Variants in APCDD1L observed in about 807,000 individuals in gnomAD.
APCDD1L encodes protein APCDD1-like.
APCDD1L carries 21 observed loss-of-function variants against 24.2 expected under a neutral mutation model. The ratio of observed to expected loss-of-function variants is 0.87; its 90% CI spans 0.61 to 1.25. The LOEUF is 1.25. Among genes scored for constraint, APCDD1L ranks in the 50% most tolerant of loss-of-function variants. The pLI is 0.00. For synonymous variants in APCDD1L, 321 were observed against 323.6 expected (o/e 0.99, Z 0.09); for missense variants, 704 against 711.7 (o/e 0.99, Z 0.12).
Position 58,467,556 on chromosome 20 carries a change from G to C in APCDD1L, c.291C>G (p.Cys97Trp), listed in dbSNP as rs770475593. Residue 97 changes from cysteine (C) to tryptophan (W), a missense_variant, in exon 3 of 4, where the codon TGC (cysteine) becomes TGG (tryptophan). Transcript: ENST00000371149. The surrounding 1 kb of genome is among the most constrained non-coding windows in gnomAD (Gnocchi z 5.9). ...AHQFYYEDPFCGEPAHSLLVK... is the reference protein window; with the variant it reads ...AHQFYYEDPFWGEPAHSLLVK... ...CGAGCAGCGAGTGGGCAGGTTCCCC[G>C]CAGAAGGGGTCCTCGTAGTAGAACT... The C allele has an allele frequency of 6.3e-7, 1 of 1,584,168 alleles. No individual in the cohort carries two copies. The highest frequency in any genetic ancestry group is 1.1e-5 in the South Asian group (1 of 87,318).
At chr20:58,505,216 T>C (rs1026662879) in intron 1 of APCDD1L, among the ~76,000 whole-genome samples, 4 of 152,146 alleles carry the variant, frequency 2.6e-5, no homozygotes, top group Non-Finnish European at 5.9e-5. Flanking sequence ...TTTTTAAGTT[T>C]TTTACAAATT....
intron 1 of APCDD1L, among the ~76,000 whole-genome samples, chr20:58,507,537 A>G (rs1035488534): frequency 6.6e-6 from 1 of 151,840 alleles, no homozygotes. Flanking sequence ...ACACCCCCAC[A>G]CACACACCCC....
Position 58,514,781 on chromosome 20 carries a change from C to G in APCDD1L, c.-74G>C. 1 of 1,192,938 alleles carries G rather than the reference C, an allele frequency of 8.4e-7. No individual in the cohort carries two copies. Among genetic ancestry groups the G allele is most frequent in the Non-Finnish European group, 1.1e-6 (1 of 939,730 alleles). The allele number at this position is 1,192,938 out of a possible 1,614,324, so 73.9% of individuals were successfully genotyped here. ...AGGGGAGGCGCGGGCGCAGGGCTCT[C>G]GGACGGCTGCGGGCGCCGGCGGCCA... On this transcript the variant is annotated 5_prime_UTR_variant, in exon 1 of 4. Coordinates refer to ENST00000371149, the MANE Select transcript of APCDD1L (RefSeq NM_153360.3).
intron 1 of APCDD1L, among the ~76,000 whole-genome samples, chr20:58,475,410 C>G (rs950374268): frequency 2.0e-5 from 3 of 152,098 alleles, no homozygotes; most frequent in Non-Finnish European, 2.9e-5. Context: ...TCATAACAGC[C>G]TTGTACTTGC....
In APCDD1L at chr20:58,493,016, ACT is replaced by A. The variant is rs1460320626; in HGVS notation, c.49+21641_49+21642del. On this transcript the variant is annotated intron_variant, in intron 1 of 3. Coordinates refer to ENST00000371149, the MANE Select transcript of APCDD1L (RefSeq NM_153360.3). ...AGCATGCACACATGCATACACGTGC[ACT>A]CACACACAAGGCAAGCATACACACA... Among the ~76,000 whole-genome samples, 3 of 151,380 alleles carry A rather than the reference ACT, an allele frequency of 2.0e-5. No homozygotes were observed. The East Asian group carries it at 5.8e-4, about 29-fold the overall frequency.
At chr20:58,507,752 G>A (rs572801658) in intron 1 of APCDD1L, among the ~76,000 whole-genome samples, 6 of 152,308 alleles carry the variant, frequency 3.9e-5, no homozygotes, top group African/African-American at 1.4e-4. Context: ...ACACATACAA[G>A]AGACAGCTAG....
Position 58,461,425 on chromosome 20 carries a change from C to G in APCDD1L, c.871G>C (p.Val291Leu). 1 of 1,528,524 alleles carries G rather than the reference C, an allele frequency of 6.5e-7. No homozygotes were observed. Among genetic ancestry groups the G allele is most frequent in the East Asian group, 2.3e-5 (1 of 43,626 alleles). 94.7% of individuals were successfully genotyped at this position (1,528,524 alleles called of 1,614,324 possible). ...GGWWVSSGCE[V>L]RPAVLFLTRL... ...GTGAGGAACAGGACTGCTGGGCGCA[C>G]CTCGCACCCCGAGCTGACCCACCAG... The change falls in exon 4 of 4, where the codon GTG becomes CTG. Residue 291 changes from valine to leucine, a missense_variant. By Grantham distance (32) the Val-to-Leu change is conservative. Transcript: ENST00000371149. This position sits in a 1 kb window ranked among gnomAD's most constrained non-coding sequence, Gnocchi z 6.0.
intron 1 of APCDD1L, among the ~76,000 whole-genome samples, chr20:58,484,934 C>T: frequency 6.7e-6 from 1 of 148,446 alleles, no homozygotes; most frequent in Admixed American, 6.9e-5. Context: ...TGGTTTCATG[C>T]CGATCTCTGC....
At chr20:58,510,411 C>T (rs1990605200) in intron 1 of APCDD1L, among the ~76,000 whole-genome samples, 1 of 152,188 alleles carries the variant, frequency 6.6e-6, no homozygotes, top group African/African-American at 2.4e-5. Context: ...TGGCCCACTG[C>T]AACCTCCGCC....
chr20:58,468,122 A>G (rs1408083546), intron 2 of APCDD1L, among the ~76,000 whole-genome samples: 1 of 152,074 alleles, frequency 6.6e-6, no homozygotes, highest in African/African-American at 2.4e-5. Flanking sequence ...TGCCTGTGAC[A>G]GGGCTTGAAG....
At chr20:58,502,278 T>C (rs1175970077) in intron 1 of APCDD1L, among the ~76,000 whole-genome samples, 1 of 152,146 alleles carries the variant, frequency 6.6e-6, no homozygotes, top group Non-Finnish European at 1.5e-5. Flanking sequence ...TTTTTGTATT[T>C]TTAGTAGAAA....
intron 1 of APCDD1L, among the ~76,000 whole-genome samples, chr20:58,483,064 C>A (rs1260278496): frequency 2.0e-5 from 3 of 152,188 alleles, no homozygotes; most frequent in African/African-American, 7.2e-5. Context: ...AGGGGCCCCA[C>A]TGCCTATGTG....
chr20:58,471,015 C>T (rs1453050098), intron 1 of APCDD1L, among the ~76,000 whole-genome samples: 1 of 152,230 alleles, frequency 6.6e-6, no homozygotes, highest in Non-Finnish European at 1.5e-5. Flanking sequence ...TGGAGCCTGT[C>T]CCAGATTCTG....
At chr20:58,498,690 T>A (rs1174170866) in intron 1 of APCDD1L, among the ~76,000 whole-genome samples, 1 of 152,216 alleles carries the variant, frequency 6.6e-6, no homozygotes, top group Non-Finnish European at 1.5e-5. Flanking sequence ...CCTCCCAGCC[T>A]GATAACCTTG....
chr20:58,468,221 C>T (rs1489300107), intron 2 of APCDD1L, among the ~76,000 whole-genome samples: 2 of 152,194 alleles, frequency 1.3e-5, no homozygotes, highest in East Asian at 1.9e-4. Context: ...TCTGCTGCAA[C>T]TACTCAAAGT....
rs138050561 is a variant in APCDD1L, at chr20:58,497,511, G to A, written c.49+17148C>T. Reference sequence around the variant, plus strand: ...GGTTGGTTCCTTCTGAGGCTGGGCCGGGATTGTTCCAGGCCTTTCTTGTGG... The same window carrying A: ...GGTTGGTTCCTTCTGAGGCTGGGCCAGGATTGTTCCAGGCCTTTCTTGTGG... On this transcript the variant is annotated intron_variant, in intron 1 of 3. Transcript: ENST00000371149. The surrounding 1 kb of genome is among the most constrained non-coding windows in gnomAD (Gnocchi z 4.3). Among the ~76,000 whole-genome samples the A allele has an allele frequency of 1.2e-3, 189 of 152,276 alleles. 1 individual carries two copies. The highest frequency in any genetic ancestry group is 4.3e-3 in the African/African-American group (177 of 41,548).
intron 2 of APCDD1L, among the ~76,000 whole-genome samples, chr20:58,469,270 G>T (rs146143421): frequency 5.1e-4 from 78 of 152,234 alleles, no homozygotes; most frequent in African/African-American, 1.7e-3. Flanking sequence ...AAAGCAAGTT[G>T]GTTTACAGAA....
intron 1 of APCDD1L, among the ~76,000 whole-genome samples, chr20:58,495,430 G>A (rs6513389): frequency 1.2e-3 from 183 of 152,274 alleles, no homozygotes; most frequent in African/African-American, 4.3e-3. Flanking sequence ...AGGGCTGGGG[G>A]CCACAGTGGC....
chr20:58,513,774 AG>A, intron 1 of APCDD1L: 1 of 700,416 alleles, frequency 1.4e-6, no homozygotes. Context: ...CCCATTTGAC[AG>A]GAAAGAAAGT....
Sources: gnomAD v4.1 joint callset for allele counts (sites outside exome capture counted in the v4.1 genomes callset) on GRCh38, gnomAD v4.1.1 for gene constraint, Gnocchi (gnomAD v3.1) non-coding constraint, MANE v1.5 for transcripts, NCBI Gene and HGNC (gene_info 2026-07-23, HGNC 2026-07-21) for gene names.